ZNF280A: variants seen among roughly 807,000 people sequenced by gnomAD.
ZNF280A encodes zinc finger protein 280A.
ZNF280A carries 26 observed loss-of-function variants against 35.9 expected under a neutral mutation model. The observed-to-expected ratio is 0.72, with a 90% CI of 0.53 to 1.01. The LOEUF is 1.01. Among genes scored for constraint, ZNF280A ranks in the 50% least tolerant of loss-of-function variants. ZNF280A has a pLI of 0.00. For missense variants in ZNF280A, 654 were observed against 652.0 expected, an observed-to-expected ratio of 1.00 and a Z score of -0.03; for synonymous variants, 231 against 232.9, an observed-to-expected ratio of 0.99 and a Z score of 0.07.
At chr22:22,516,131 A>T (rs2062066478) in intron 1 of ZNF280A, among the ~76,000 whole-genome samples, 1 of 151,852 alleles carries the variant, frequency 6.6e-6, no homozygotes, top group South Asian at 2.1e-4. Context: ...ATTAAAAAAA[A>T]TTAGCTTGGC....
At position 22,514,054 on chromosome 22, in the gene ZNF280A, G is replaced by T; in HGVS notation, c.1577C>A (p.Thr526Lys). The T allele has an allele frequency of 1.2e-6, 2 of 1,608,924 alleles. No homozygotes were observed. The highest frequency in any genetic ancestry group is 1.7e-6 in the Non-Finnish European group (2 of 1,177,522). ...TCTGGAATCTCTAGTGTTCATAGCC[G>T]TCTTCTTTTTAGTTTTTACAGGAGA... Reference protein sequence around the residue: ...QSSPVKTKKKTAMNTRDSRLP... With the variant: ...QSSPVKTKKKKAMNTRDSRLP... The change falls in exon 2 of 2, where the codon ACG becomes AAG. Residue 526 changes from threonine (T) to lysine (K), a missense_variant. Physicochemically the swap from Thr to Lys is moderately conservative, Grantham distance 78. Transcript: ENST00000302097.
rs1177956038 is a variant in ZNF280A at position 22,515,594 on chromosome 22, G to A, written c.37C>T (p.Pro13Ser). ...TTGGATTCTCTCAAATTCTTCTTTG[G>A]TGATTCCACTTTCTTACACAAAAAG... is the stretch of plus-strand genomic sequence containing the variant. ...DIFLCKKVES[P>S]KKNLRESKQR... The change falls in exon 2 of 2, where the codon CCA becomes TCA. Residue 13 changes from proline to serine, a missense_variant. Pro to Ser is a moderately conservative substitution (Grantham distance 74). Transcript: ENST00000302097. 4 of 1,603,324 alleles carry A rather than the reference G, an allele frequency of 2.5e-6. No homozygotes were observed. Among genetic ancestry groups the A allele is most frequent in the Admixed American group, 1.7e-5 (1 of 57,178 alleles).
Position 22,515,775 on chromosome 22 carries a change from TAA to T in ZNF280A, c.-71-76_-71-75del, listed in dbSNP as rs370586392. On this transcript the variant is annotated intron_variant, in intron 1 of 1. Transcript: ENST00000302097. ...ATCATTACTTTATTGTATCCTCCCTTAAAACACTGAGATAACCATCAACATCT... is the reference window on the plus strand; with the variant it reads ...ATCATTACTTTATTGTATCCTCCCTTAACACTGAGATAACCATCAACATCT... The T allele has an allele frequency of 2.3e-4, 298 of 1,288,336 alleles. No homozygotes were observed. The African/African-American group carries it at 3.9e-3, about 17-fold the overall frequency. The allele number at this position is 1,288,336 out of a possible 1,614,324, so 79.8% of individuals were successfully genotyped here.
rs140976483 is a variant in ZNF280A, at chr22:22,518,785, CAAAA to C, written c.-72+1300_-72+1303del. On this transcript the variant is annotated intron_variant, in intron 1 of 1. Transcript: ENST00000302097. ...CCTGGGTGACAGAGTGAGACTGTCT[CAAAA>C]AAAAAAAAAAGAAAAAAGGAATATT... Among the ~76,000 whole-genome samples, 9 of 115,780 alleles carry C rather than the reference CAAAA, an allele frequency of 7.8e-5. 1 individual carries two copies. The highest frequency in any genetic ancestry group is 2.8e-4 in the African/African-American group (9 of 32,336). 76.0% of individuals were successfully genotyped at this position (115,780 alleles called of 152,430 possible). A position where few individuals can be genotyped will look rare whatever the true frequency, so the allele number is the denominator to read the frequency against.
chr22:22,517,387 T>A (rs1432053789), intron 1 of ZNF280A, among the ~76,000 whole-genome samples: 1 of 152,030 alleles, frequency 6.6e-6, no homozygotes, highest in Non-Finnish European at 1.5e-5. Context: ...CTTTGTTAAA[T>A]AAATAGTAGC....
Position 22,514,093 on chromosome 22 carries a change from G to A in ZNF280A, c.1538C>T (p.Thr513Ile), listed in dbSNP as rs141300410. 92 of 1,613,798 alleles carry A rather than the reference G, an allele frequency of 5.7e-5. No homozygotes were observed. In the African/African-American group the frequency reaches 1.2e-3, roughly 21 times the overall value. ...TTTTACAGGAGAAGACTGAGGGTCA[G>A]TGTTGCTAACAATAACGGAAGCCAT... Reference protein sequence around the residue: ...SGMASVIVSNTDPQSSPVKTK... With the variant: ...SGMASVIVSNIDPQSSPVKTK... Residue 513 changes from threonine to isoleucine, a missense_variant, in exon 2 of 2, where the codon ACT (threonine) becomes ATT (isoleucine). Physicochemically the swap from Thr to Ile is moderately conservative, Grantham distance 89. Transcript: ENST00000302097.
Position 22,514,122 on chromosome 22 carries a change from A to G in ZNF280A, c.1509T>C (p.Ser503=), listed in dbSNP as rs765653925. 2.9e-5 allele frequency: 47 copies of G among 1,613,816 alleles called. No homozygotes were observed. Among genetic ancestry groups the G allele is most frequent in the Non-Finnish European group, 3.8e-5 (45 of 1,179,968 alleles). The change falls in exon 2 of 2, where the codon AGT becomes AGC. Residue 503 remains serine, a synonymous_variant. Coordinates refer to ENST00000302097, the MANE Select transcript of ZNF280A (RefSeq NM_080740.5). ...IIQTSVQPGS[S]GMASVIVSNT... ...TGCTAACAATAACGGAAGCCATACC[A>G]CTTGATCCTGGCTGAACTGAAGTTT...
At chr22:22,516,316 C>CACACACACACACACACACACACA (rs57127688) in intron 1 of ZNF280A, among the ~76,000 whole-genome samples, 1 of 151,068 alleles carries the variant, frequency 6.6e-6, no homozygotes, top group Non-Finnish European at 1.5e-5. Flanking sequence ...CACACACACA[C>CACACACACACACACACACACACA]CCTTTGCTGT....
chr22:22,519,753 T>G (rs1242642074), intron 1 of ZNF280A, among the ~76,000 whole-genome samples: 1 of 151,888 alleles, frequency 6.6e-6, no homozygotes, highest in East Asian at 2.0e-4. Flanking sequence ...GTGACTAAGG[T>G]ACAGAGAGCG....
Position 22,515,392 on chromosome 22 carries a change from C to T in ZNF280A, c.239G>A (p.Arg80His), listed in dbSNP as rs149065270. 478 of 1,613,780 alleles carry T rather than the reference C, an allele frequency of 3.0e-4. 5 individuals are homozygous for T. In the East Asian group the frequency reaches 7.1e-3, roughly 24 times the overall value. ...SNSRRKKGHF[R>H]QYPAHVSQPA... ...CTGCGACACGTGAGCAGGATATTGA[C>T]GGAAGTGGCCTTTCTTTCTTCTTGA... The change falls in exon 2 of 2, where the codon CGT (arginine) becomes CAT (histidine). Residue 80 changes from arginine to histidine, a missense_variant. By Grantham distance (29) the Arg-to-His change is conservative (BLOSUM62 0). Transcript: ENST00000302097.
chr22:22,515,102 C>G lies in ZNF280A; in HGVS notation c.529G>C (p.Asp177His), dbSNP rs751045225. 9 of 1,613,910 alleles carry G rather than the reference C, an allele frequency of 5.6e-6. No individual in the cohort carries two copies. Among genetic ancestry groups the G allele is most frequent in the Non-Finnish European group, 7.6e-6 (9 of 1,179,986 alleles). Residue 177 changes from aspartate (D) to histidine (H), a missense_variant, in exon 2 of 2, where the codon GAT (aspartate) becomes CAT (histidine). Transcript: ENST00000302097. Reference protein sequence around the residue: ...RLSTSDINSRDSKRVKLRDGI... With the variant: ...RLSTSDINSRHSKRVKLRDGI... Reference sequence around the variant, plus strand: ...TCCCTGAGTTTAACCCTTTTGGAATCTCTGCTGTTTATATCTGAAGTGGAA... The same window carrying G: ...TCCCTGAGTTTAACCCTTTTGGAATGTCTGCTGTTTATATCTGAAGTGGAA...
In ZNF280A at chr22:22,514,795, A is replaced by G. The variant is rs1200933988; in HGVS notation, c.836T>C (p.Phe279Ser). 6.2e-7 allele frequency: 1 copy of G among 1,613,778 alleles called. No homozygotes were observed. Among genetic ancestry groups the G allele is most frequent in the Non-Finnish European group, 8.5e-7 (1 of 1,179,986 alleles). ...KENPIVLLSD[F>S]YYGQHKGDGQ... ...ATCTCCTTTATGCTGTCCATAGTAA[A>G]AGTCGCTAAGTAACACGATGGGATT... The change falls in exon 2 of 2, where the codon TTT becomes TCT. Residue 279 changes from phenylalanine to serine, a missense_variant. Transcript: ENST00000302097.
In ZNF280A at chr22:22,513,940, G is replaced by T; in HGVS notation, c.*62C>A. 1.1e-6 allele frequency: 1 copy of T among 929,310 alleles called. No individual in the cohort carries two copies. Among genetic ancestry groups the T allele is most frequent in the Non-Finnish European group, 1.7e-6 (1 of 597,064 alleles). The allele number at this position is 929,310 out of a possible 1,614,324, so 57.6% of individuals were successfully genotyped here. A position where few individuals can be genotyped will look rare whatever the true frequency, so the allele number is the denominator to read the frequency against. On this transcript the variant is annotated 3_prime_UTR_variant, in exon 2 of 2. Coordinates refer to ENST00000302097, the MANE Select transcript of ZNF280A (RefSeq NM_080740.5). Reference sequence around the variant, plus strand: ...GCTTGCTAGCATCTACAGCCACAATGCACATATGGCCTAGCCTCACTTCTG... The same window carrying T: ...GCTTGCTAGCATCTACAGCCACAATTCACATATGGCCTAGCCTCACTTCTG...
rs2062051130 is a variant in ZNF280A, at chr22:22,514,898, C to T, written c.733G>A (p.Ala245Thr). The change falls in exon 2 of 2, where the codon GCA becomes ACA. Residue 245 changes from alanine (A) to threonine (T), a missense_variant. Coordinates refer to ENST00000302097, the MANE Select transcript of ZNF280A (RefSeq NM_080740.5). ...AHFNLTDPER[A>T]SESALAMTDI... ...GTCATTGCCAGGGCAGACTCACTTG[C>T]TCTCTCTGGATCTGTAAGATTGAAA... 2 of 1,613,340 alleles carry T rather than the reference C, an allele frequency of 1.2e-6. No homozygotes were observed. The highest frequency in any genetic ancestry group is 1.7e-5 in the Admixed American group (1 of 59,966).
At chr22:22,516,114 T>A (rs1222883750) in intron 1 of ZNF280A, among the ~76,000 whole-genome samples, 2 of 151,526 alleles carry the variant, frequency 1.3e-5, no homozygotes, top group East Asian at 3.9e-4. Flanking sequence ...TACAAAAAAA[T>A]TTAAAAATTA....
Position 22,513,967 on chromosome 22 carries a change from C to T in ZNF280A, c.*35G>A, listed in dbSNP as rs998963801. The T allele has an allele frequency of 5.7e-6, 7 of 1,234,630 alleles. No individual in the cohort carries two copies. In the African/African-American group the frequency reaches 9.1e-5, roughly 16 times the overall value. 76.5% of individuals were successfully genotyped at this position (1,234,630 alleles called of 1,614,324 possible). On this transcript the variant is annotated 3_prime_UTR_variant, in exon 2 of 2. Coordinates refer to ENST00000302097, the MANE Select transcript of ZNF280A (RefSeq NM_080740.5). ...ACATATGGCCTAGCCTCACTTCTGC[C>T]TTTCGGAACTCCTGGAAGTCAGTCG... is the stretch of plus-strand genomic sequence containing the variant.
At position 22,520,195 on chromosome 22, in the gene ZNF280A, C is replaced by G. The variant is rs361986; in HGVS notation, c.-178G>C. 0.22 allele frequency: 34,035 copies of G among 151,816 alleles called. 4,686 individuals carry two copies. Among genetic ancestry groups the G allele is most frequent in the East Asian group, 0.45 (2,267 of 5,038 alleles). 9.4% of individuals were successfully genotyped at this position (151,816 alleles called of 1,614,324 possible). A position where few individuals can be genotyped will look rare whatever the true frequency, so the allele number is the denominator to read the frequency against. On this transcript the variant is annotated 5_prime_UTR_variant, in exon 1 of 2. Coordinates refer to ENST00000302097, the MANE Select transcript of ZNF280A (RefSeq NM_080740.5). The stretch of plus-strand genomic sequence containing the variant: ...CTGGAGCTTCCTTGTCTCCACCTCC[C>G]GGAGAAATTTGTCCAGAGACCGGCA...
intron 1 of ZNF280A, among the ~76,000 whole-genome samples, chr22:22,519,651 T>C (rs145078555): frequency 5.2e-4 from 79 of 152,058 alleles, no homozygotes; most frequent in African/African-American, 1.8e-3. Context: ...CCTTGTACTT[T>C]GGGGCCATTA....
chr22:22,514,252 A>C lies in ZNF280A; in HGVS notation c.1379T>G (p.Phe460Cys), dbSNP rs1359851296. The C allele has an allele frequency of 6.2e-7, 1 of 1,613,812 alleles. No individual in the cohort carries two copies. The highest frequency in any genetic ancestry group is 8.5e-7 in the Non-Finnish European group (1 of 1,179,958). Reference protein sequence around the residue: ...VLQCSKCRLQFLTLKEEIEHK... With the variant: ...VLQCSKCRLQCLTLKEEIEHK... ...CTCTATTTCCTCCTTCAACGTCAAA[A>C]ACTGTAGCCGGCACTTGGAACACTG... The change falls in exon 2 of 2, where the codon TTT (phenylalanine) becomes TGT (cysteine). Residue 460 changes from phenylalanine (F) to cysteine (C), a missense_variant. Transcript: ENST00000302097.
Sources: allele counts gnomAD v4.1 joint callset (sites outside exome capture counted in the v4.1 genomes callset), GRCh38; gene constraint gnomAD v4.1.1; transcripts MANE v1.5; gene names NCBI Gene and HGNC (gene_info 2026-07-23, HGNC 2026-07-21).